Variants in SEC31B observed in about 807,000 individuals in gnomAD.
The protein encoded by SEC31B is SEC31 homolog B, COPII component.
A neutral mutation model predicts 135.0 loss-of-function variants in SEC31B; 113 were observed. The ratio of observed to expected loss-of-function variants is 0.84; its 90% confidence interval spans 0.72 to 0.98. The LOEUF is 0.98. Ranked by LOEUF, SEC31B falls within the 50% of genes least tolerant of loss-of-function variation. The probability of loss-of-function intolerance (pLI) is 0.00; values close to 1 mark genes in which losing one functional copy is unlikely to be tolerated. For missense variants in SEC31B, 1,296 were observed against 1,421.1 expected (o/e 0.91, Z 1.42); for synonymous variants, 508 against 549.4 (o/e 0.92, Z 1.05).
In SEC31B at chr10:100,505,299, A is replaced by AACAC. The variant is rs58897924; in HGVS notation, c.1179+58_1179+61dup. 4,587 of 1,487,850 alleles carry AACAC rather than the reference A, an allele frequency of 3.1e-3. 6 individuals are homozygous for AACAC. Among genetic ancestry groups the AACAC allele is most frequent in the South Asian group, 0.013 (1,053 of 78,564 alleles). The allele number at this position is 1,487,850 out of a possible 1,614,324, so 92.2% of individuals were successfully genotyped here. A position where few individuals can be genotyped will look rare whatever the true frequency, so the allele number is the denominator to read the frequency against. On this transcript the variant is annotated intron_variant, in intron 10 of 25. Transcript: ENST00000370345. ...TGCTGGGCACATGGTAGGCTTCACA[A>AACAC]ACACACACACACACACACACACACA...
At chr10:100,496,086 A>G (rs139750150) in intron 18 of SEC31B, among the ~76,000 whole-genome samples, 172 bp downstream of exon 18, 1,639 of 152,356 alleles carry the variant, frequency 0.011, 19 homozygotes, top group Admixed American at 0.017. Flanking sequence ...TTATGGCACT[A>G]TAAGTCATCA....
chr10:100,490,958 G>A, intron 19 of SEC31B, 75 bp from the exon 20 acceptor site: 13 of 1,109,888 alleles, frequency 1.2e-5, no homozygotes, highest in South Asian at 3.6e-5. Flanking sequence ...AAAATAATAG[G>A]GAAAATTAAT....
intron 1 of SEC31B, among the ~76,000 whole-genome samples, chr10:100,518,056 C>T (rs914464639): frequency 5.9e-5 from 9 of 152,218 alleles, no homozygotes; most frequent in African/African-American, 1.7e-4. Context: ...TTACCCAATT[C>T]GTTCTTTACA....
In SEC31B at chr10:100,506,121, A is replaced by G; in HGVS notation, c.963T>C (p.Ala321=). The change falls in exon 9 of 26, where the codon GCT becomes GCC. Residue 321 remains alanine (A), a synonymous_variant. Coordinates refer to ENST00000370345, the MANE Select transcript of SEC31B (RefSeq NM_015490.4). The stretch of plus-strand genomic sequence containing the variant: ...AACTGATCCAGCCGTTGAAGGAGGC[A>G]GCAGAGAACACTGAAGGGTCCCGAG... ...WCPRDPSVFS[A]ASFNGWISLY... is the part of the protein sequence containing the mutation. The G allele has an allele frequency of 1.2e-6, 2 of 1,614,234 alleles. No individual in the cohort carries two copies. The highest frequency in any genetic ancestry group is 1.6e-4 in the Middle Eastern group (1 of 6,062).
intron 22 of SEC31B, 133 bp from the exon 23 acceptor site, chr10:100,489,531 G>C (rs1851258495): frequency 1.5e-6 from 2 of 1,331,370 alleles, no homozygotes; most frequent in Admixed American, 2.2e-5. Flanking sequence ...GAGGAGACTG[G>C]TGTATGTGTG....
chr10:100,502,448 T>C lies in SEC31B; in HGVS notation c.1216A>G (p.Thr406Ala). Residue 406 changes from threonine (T) to alanine (A), a missense_variant, in exon 11 of 26, where the codon ACC becomes GCC. Thr to Ala is a moderately conservative substitution (Grantham distance 58). Coordinates refer to ENST00000370345, the MANE Select transcript of SEC31B (RefSeq NM_015490.4). ...GKLVTFGLPS[T>A]PAHLVPQPCP... ...GGCTGTGGCACCAGATGGGCAGGGG[T>C]GCTGGGGAGGCCAAAAGTAACCAGC... is the stretch of plus-strand genomic sequence containing the variant. 1.2e-6 allele frequency: 2 copies of C among 1,613,784 alleles called. No homozygotes were observed. Among genetic ancestry groups the C allele is most frequent in the Non-Finnish European group, 1.7e-6 (2 of 1,179,966 alleles).
intron 11 of SEC31B, among the ~76,000 whole-genome samples, chr10:100,501,294 T>G (rs1380189041): frequency 6.6e-6 from 1 of 152,222 alleles, no homozygotes; most frequent in Non-Finnish European, 1.5e-5. Context: ...TATAGGTCCC[T>G]CTGTCCTATA....
At chr10:100,503,491 T>G (rs1465432163) in intron 10 of SEC31B, among the ~76,000 whole-genome samples, 1 of 151,644 alleles carries the variant, frequency 6.6e-6, no homozygotes, top group African/African-American at 2.4e-5. Flanking sequence ...TGGAGTATAA[T>G]GGCGCAATCT....
intron 11 of SEC31B, among the ~76,000 whole-genome samples, chr10:100,502,004 A>G (rs1425688884): frequency 6.6e-6 from 1 of 152,230 alleles, no homozygotes; most frequent in Non-Finnish European, 1.5e-5. Context: ...CAACCATAGT[A>G]GCAACAAAAG....
At chr10:100,497,088 C>T (rs1173634902) in intron 17 of SEC31B, 47 bp downstream of exon 17, 14 of 1,599,966 alleles carry the variant, frequency 8.8e-6, no homozygotes, top group Non-Finnish European at 1.1e-5. Context: ...CACTAGCCTC[C>T]TAAGGGCCTG....
chr10:100,508,078 G>A, intron 5 of SEC31B, 27 bp from the exon 6 acceptor site: 1 of 1,613,372 alleles, frequency 6.2e-7, no homozygotes, highest in Non-Finnish European at 8.5e-7. Flanking sequence ...ACAGAAAGAT[G>A]ACAACTTGTC....
intron 22 of SEC31B, 139 bp downstream of exon 22, chr10:100,489,564 G>A: frequency 1.4e-6 from 2 of 1,388,986 alleles, no homozygotes; most frequent in South Asian, 1.2e-5. Flanking sequence ...AGAAAGAAGA[G>A]GGTTCTGAGG....
At chr10:100,496,192 G>C (rs1366218804) in intron 18 of SEC31B, 66 bp downstream of exon 18, 1 of 1,541,346 alleles carries the variant, frequency 6.5e-7, no homozygotes, top group African/African-American at 1.4e-5. Context: ...CTGGAATATG[G>C]AAGTGCTCAA....
rs138105588 is a variant in SEC31B at position 100,498,070 on chromosome 10, G to C, written c.1822C>G (p.Gln608Glu). ...AGGTDLLKQTQERYLAKKKTK... is the reference protein window; with the variant it reads ...AGGTDLLKQTEERYLAKKKTK... ...TTCTTCTTGGCCAAGTAGCGCTCCT[G>C]TGTTTGCTTCAGCAGATCTGTACCC... The change falls in exon 15 of 26, where the codon CAG becomes GAG. Residue 608 changes from glutamine to glutamate, a missense_variant. Physicochemically the swap from Gln to Glu is conservative, Grantham distance 29 (BLOSUM62 2). Transcript: ENST00000370345. The C allele has an allele frequency of 3.1e-4, 503 of 1,614,050 alleles. 1 individual carries two copies. Among genetic ancestry groups the C allele is most frequent in the Non-Finnish European group, 4.0e-4 (472 of 1,180,038 alleles).
At chr10:100,504,808 AG>A (rs1240038110) in intron 10 of SEC31B, among the ~76,000 whole-genome samples, 1 of 151,904 alleles carries the variant, frequency 6.6e-6, no homozygotes, top group African/African-American at 2.4e-5. Flanking sequence ...CCAGGAGAGA[AG>A]CTGAAGGTTA....
chr10:100,488,715 T>C (rs766779497), intron 24 of SEC31B, 143 bp downstream of exon 24: 3 of 1,158,792 alleles, frequency 2.6e-6, no homozygotes, highest in South Asian at 2.1e-5. Context: ...CAGCTCCACA[T>C]GGACGTCAAT....
In SEC31B at chr10:100,488,954, C is replaced by G; in HGVS notation, c.3192G>C (p.Glu1064Asp). The G allele has an allele frequency of 6.2e-7, 1 of 1,609,676 alleles. No individual in the cohort carries two copies. Among genetic ancestry groups the G allele is most frequent in the Non-Finnish European group, 8.5e-7 (1 of 1,178,478 alleles). ...LSLQLQHLPP[E>D]KMERKELPPE... is the part of the protein sequence containing the mutation. The stretch of plus-strand genomic sequence containing the variant: ...GGGGCAGCTCCTTCCTTTCCATCTT[C>G]TCAGGTGGCAGGTGCTGAAGCTGCT... The change falls in exon 24 of 26, where the codon GAG (glutamate) becomes GAC (aspartate). Residue 1064 changes from glutamate (E) to aspartate (D), a missense_variant. Coordinates refer to ENST00000370345, the MANE Select transcript of SEC31B (RefSeq NM_015490.4).
chr10:100,496,979 G>C (rs957228586), intron 17 of SEC31B, among the ~76,000 whole-genome samples, 156 bp downstream of exon 17: 1 of 152,242 alleles, frequency 6.6e-6, no homozygotes. Context: ...GAGGGAAGAG[G>C]AGAAGATCCC....
chr10:100,509,731 G>A (rs1306914136), intron 3 of SEC31B, among the ~76,000 whole-genome samples: 1 of 152,134 alleles, frequency 6.6e-6, no homozygotes, highest in Non-Finnish European at 1.5e-5. Context: ...AAGCCAGGAA[G>A]CCACTGCCTC....
Sources: gnomAD v4.1 joint callset for allele counts (sites outside exome capture counted in the v4.1 genomes callset) on GRCh38, gnomAD v4.1.1 for gene constraint, MANE v1.5 for transcripts, NCBI Gene and HGNC (gene_info 2026-07-23, HGNC 2026-07-21) for gene names.